SLIT1: variants seen among roughly 807,000 people sequenced by gnomAD.
SLIT1 encodes slit homolog 1 protein.
Under a neutral mutation model 186.1 loss-of-function variants are expected in SLIT1, and 66 were observed. That is an observed-to-expected ratio of 0.35 (90% CI 0.29 to 0.44). The LOEUF is 0.44. SLIT1 is among the 20% of genes least tolerant of loss of function. The probability of loss-of-function intolerance (pLI) is 1.00; values close to 1 mark genes in which losing one functional copy is unlikely to be tolerated. For synonymous variants in SLIT1, 761 were observed against 833.8 expected (o/e 0.91, Z 1.50); for missense variants, 1,638 against 2,037.4 (o/e 0.80, Z 3.77).
At chr10:97,015,175 C>T (rs1158041160) in intron 28 of SLIT1, among the ~76,000 whole-genome samples, 1 of 152,230 alleles carries the variant, frequency 6.6e-6, no homozygotes, top group Admixed American at 6.5e-5. Context: ...AAAAAGGTGG[C>T]ATCTGTCCCA....
rs199610477 is a variant in SLIT1 at position 97,126,870 on chromosome 10, C to G, written c.413+30948G>C. On this transcript the variant is annotated intron_variant, in intron 4 of 36. Transcript: ENST00000266058. ...CAAGAGACAGAGCCAAGGCTCAAGC[C>G]AAGACCTGTGACCCTCGCCTGGCAC... 2.0e-5 allele frequency among the ~76,000 whole-genome samples: 3 copies of G among 152,248 alleles called. No individual in the cohort carries two copies. The East Asian group carries it at 5.8e-4, about 29-fold the overall frequency.
intron 4 of SLIT1, among the ~76,000 whole-genome samples, chr10:97,085,177 C>T (rs987108155): frequency 2.0e-5 from 3 of 152,108 alleles, no homozygotes; most frequent in Non-Finnish European, 4.4e-5. Context: ...CCCTCCTTTG[C>T]CTCCCAAAGT....
In SLIT1 at chr10:97,049,051, T is replaced by C; in HGVS notation, c.1369A>G (p.Asn457Asp). 6.2e-7 allele frequency: 1 copy of C among 1,613,242 alleles called. No homozygotes were observed. Among genetic ancestry groups the C allele is most frequent in the Non-Finnish European group, 8.5e-7 (1 of 1,179,858 alleles). The change falls in exon 14 of 37, where the codon AAT becomes GAT. Residue 457 changes from asparagine to aspartate, a missense_variant. This residue lies in a region of SLIT1 where 1,245 missense variants were observed against 1,535.3 expected (regional missense o/e 0.81). Transcript: ENST00000266058. ...LKWLADFLRT[N>D]PIETSGARCA... ...CGGGCACCACTCGTCTCGATGGGAT[T>C]GGTGCGCAGGAAGTCTGCCAGCCAC...
chr10:97,176,192 C>T (rs1205873310), intron 1 of SLIT1, among the ~76,000 whole-genome samples: 3 of 152,148 alleles, frequency 2.0e-5, no homozygotes, highest in Non-Finnish European at 4.4e-5. Context: ...CTCTCTGAAC[C>T]TTCTCCTCAC....
At chr10:97,012,122 A>G (rs985195658) in intron 30 of SLIT1, among the ~76,000 whole-genome samples, 8 of 140,798 alleles carry the variant, frequency 5.7e-5, no homozygotes, top group Middle Eastern at 3.6e-3. Flanking sequence ...ACACACACAC[A>G]CACACACGCA....
At chr10:97,038,177 G>A (rs1848657577) in intron 21 of SLIT1, among the ~76,000 whole-genome samples, 1 of 152,142 alleles carries the variant, frequency 6.6e-6, no homozygotes, top group African/African-American at 2.4e-5. Context: ...GGCATGGGCT[G>A]TGAAGCTGAT....
At chr10:97,084,994 G>A (rs1849143730) in intron 4 of SLIT1, among the ~76,000 whole-genome samples, 1 of 141,924 alleles carries the variant, frequency 7.0e-6, no homozygotes, top group African/African-American at 2.6e-5. Context: ...TGTGATCTTG[G>A]CTCACTGCAA....
At chr10:97,165,463 G>C (rs1850092110) in intron 1 of SLIT1, among the ~76,000 whole-genome samples, 1 of 152,104 alleles carries the variant, frequency 6.6e-6, no homozygotes, top group Non-Finnish European at 1.5e-5. Context: ...GAGGAAGCGG[G>C]ACTCAAGCTG....
At chr10:97,048,835 G>T (rs1328490935) in intron 14 of SLIT1, 120 bp downstream of exon 14, 9 of 931,660 alleles carry the variant, frequency 9.7e-6, no homozygotes. Context: ...AGGCAGGCAG[G>T]CAAGTGAGCA....
At chr10:97,020,508 G>A (rs769695494) in intron 26 of SLIT1, among the ~76,000 whole-genome samples, 94 of 152,338 alleles carry the variant, frequency 6.2e-4, no homozygotes, top group Middle Eastern at 3.4e-3. Flanking sequence ...CGCAGATCAG[G>A]CCCCCCGGAG....
At chr10:97,078,813 C>G (rs1334067486) in intron 4 of SLIT1, among the ~76,000 whole-genome samples, 2 of 152,248 alleles carry the variant, frequency 1.3e-5, no homozygotes, top group East Asian at 3.8e-4. Context: ...TACTCAACAC[C>G]AGGTGCTGGG....
At chr10:97,032,150 C>T (rs1202255331) in intron 23 of SLIT1, among the ~76,000 whole-genome samples, 1 of 152,206 alleles carries the variant, frequency 6.6e-6, no homozygotes, top group Non-Finnish European at 1.5e-5. Context: ...CAGGCAAAGT[C>T]ATCTACAATA....
intron 26 of SLIT1, among the ~76,000 whole-genome samples, chr10:97,020,661 C>T (rs929523746): frequency 6.6e-6 from 1 of 152,276 alleles, no homozygotes; most frequent in Non-Finnish European, 1.5e-5. Context: ...GTGTCCTCCC[C>T]CCGCTGTACC....
At chr10:97,026,358 G>A (rs146995202) in intron 25 of SLIT1, among the ~76,000 whole-genome samples, 4,317 of 152,056 alleles carry the variant, frequency 0.028, 179 homozygotes, top group African/African-American at 0.095. Context: ...CAGCTACTCA[G>A]GAGGCTGAGG....
chr10:96,999,287 T>C lies in SLIT1; in HGVS notation c.*1825A>G, dbSNP rs1165282802. The stretch of plus-strand genomic sequence containing the variant: ...CCTGCCATGAGGACACCTGCCACAT[T>C]GGGCAGGGCACTGCCCTCTTCCCAT... On this transcript the variant is annotated 3_prime_UTR_variant, in exon 37 of 37. Coordinates refer to ENST00000266058, the MANE Select transcript of SLIT1 (RefSeq NM_003061.3). 1 of 152,246 alleles carries C rather than the reference T, an allele frequency of 6.6e-6. No individual in the cohort carries two copies. 9.4% of individuals were successfully genotyped at this position (152,246 alleles called of 1,614,324 possible).
intron 4 of SLIT1, among the ~76,000 whole-genome samples, chr10:97,141,194 G>C (rs1849754092): frequency 6.6e-6 from 1 of 152,262 alleles, no homozygotes; most frequent in South Asian, 2.1e-4. Context: ...GGAATGAGGT[G>C]ACAAGCACAG....
intron 20 of SLIT1, among the ~76,000 whole-genome samples, chr10:97,041,450 G>A (rs1000537854): frequency 1.3e-5 from 2 of 151,172 alleles, no homozygotes; most frequent in Non-Finnish European, 2.9e-5. Context: ...CATGGGGGCC[G>A]GGGGGTAGTG....
At chr10:97,097,051 A>G (rs1045253560) in intron 4 of SLIT1, among the ~76,000 whole-genome samples, 1 of 152,150 alleles carries the variant, frequency 6.6e-6, no homozygotes, top group African/African-American at 2.4e-5. Flanking sequence ...GAGAGTGCAC[A>G]GCGCCTGGCA....
At position 97,059,535 on chromosome 10, in the gene SLIT1, C is replaced by T; in HGVS notation, c.1014-4G>A. 6.2e-7 allele frequency: 1 copy of T among 1,613,068 alleles called. No individual in the cohort carries two copies. The highest frequency in any genetic ancestry group is 8.5e-7 in the Non-Finnish European group (1 of 1,179,368). On this transcript the variant is annotated splice_polypyrimidine_tract_variant and splice_region_variant and intron_variant, in intron 10 of 36. Transcript: ENST00000266058. ...GATCTGATTGTTGCTCAGGTCTCTG[C>T]AAGGTGAGCAGAAGGAGAGGGGGCA...
Sources: gnomAD v4.1 joint callset for allele counts (sites outside exome capture counted in the v4.1 genomes callset) on GRCh38, gnomAD v4.1.1 for gene constraint, gnomAD v4.1.1 regional missense constraint, MANE v1.5 for transcripts, NCBI Gene and HGNC (gene_info 2026-07-23, HGNC 2026-07-21) for gene names.